The following NT5E variants were observed in gnomAD, a reference collection of about 807,000 sequenced individuals.
The protein encoded by NT5E is 5'-nucleotidase ecto, also known as 5'-nucleotidase.
NT5E carries 53 observed loss-of-function variants against 55.1 expected under a neutral mutation model. The observed-to-expected ratio is 0.96, with a 90% CI of 0.77 to 1.21. The LOEUF is 1.21. NT5E is among the 50% of genes most tolerant of loss of function. The pLI is 0.00. For missense variants in NT5E, 683 were observed against 724.3 expected (o/e 0.94, Z 0.65); for synonymous variants, 270 against 278.4 (o/e 0.97, Z 0.30).
Position 85,491,418 on chromosome 6 carries a change from C to T in NT5E, c.1361-559C>T, listed in dbSNP as rs548149002. On this transcript the variant is annotated intron_variant, in intron 7 of 8. Coordinates refer to ENST00000257770, the MANE Select transcript of NT5E (RefSeq NM_002526.4). ...GAGTTTTCCTCTGCAGAACACATTG[C>T]TGTTGAGACTGAAGGGCTACAGAAG... The T allele has an allele frequency of 9.5e-6, 3 of 317,138 alleles. No individual in the cohort carries two copies. The East Asian group carries it at 2.6e-4, about 27-fold the overall frequency. 19.6% of individuals were successfully genotyped at this position (317,138 alleles called of 1,614,324 possible).
At chr6:85,464,505 C>T (rs1769152253) in intron 1 of NT5E, among the ~76,000 whole-genome samples, 1 of 152,044 alleles carries the variant, frequency 6.6e-6, no homozygotes, top group Admixed American at 6.6e-5. Flanking sequence ...TGTTTCCTCA[C>T]ACTTTATGGG....
rs770184551 is a variant in NT5E at position 85,457,519 on chromosome 6, A to T, written c.339+7041A>T. On this transcript the variant is annotated intron_variant, in intron 1 of 8. Coordinates refer to ENST00000257770, the MANE Select transcript of NT5E (RefSeq NM_002526.4). ...GACAACTCTCTAATTTCTCCTTCAC[A>T]GTTATTTATTTATTTTTTGGCAGCT... is the stretch of plus-strand genomic sequence containing the variant. Among the ~76,000 whole-genome samples, 4 of 151,922 alleles carry T rather than the reference A, an allele frequency of 2.6e-5. No homozygotes were observed. The South Asian group carries it at 8.3e-4, about 31-fold the overall frequency.
At chr6:85,452,035 G>A (rs1562133778) in intron 1 of NT5E, among the ~76,000 whole-genome samples, 1 of 152,180 alleles carries the variant, frequency 6.6e-6, no homozygotes, top group Non-Finnish European at 1.5e-5. Context: ...ACACACATCT[G>A]GATTTGAAGA....
chr6:85,483,248 C>T (rs1769584665), intron 3 of NT5E, among the ~76,000 whole-genome samples: 2 of 152,254 alleles, frequency 1.3e-5, no homozygotes, highest in African/African-American at 4.8e-5. Context: ...TGCTTTCTCT[C>T]CCTGGGCGGG....
At chr6:85,459,044 C>G (rs9444347) in intron 1 of NT5E, among the ~76,000 whole-genome samples, 1 of 152,196 alleles carries the variant, frequency 6.6e-6, no homozygotes, top group South Asian at 2.1e-4. Context: ...TCAACCAAAA[C>G]AAATGTAATT....
chr6:85,487,563 G>C, intron 5 of NT5E, 74 bp downstream of exon 5: 1 of 1,562,014 alleles, frequency 6.4e-7, no homozygotes, highest in South Asian at 1.1e-5. Context: ...AAGGATGCGA[G>C]AAGGGATAGA....
chr6:85,465,562 C>A (rs1401715682), intron 1 of NT5E, among the ~76,000 whole-genome samples: 1 of 152,130 alleles, frequency 6.6e-6, no homozygotes, highest in Non-Finnish European at 1.5e-5. Context: ...ATGAGATCAT[C>A]AGAGATGGGG....
chr6:85,453,007 C>T (rs970593986), intron 1 of NT5E, among the ~76,000 whole-genome samples: 2 of 152,150 alleles, frequency 1.3e-5, no homozygotes, highest in African/African-American at 4.8e-5. Context: ...GGAGTCCCCT[C>T]GAGCAGGAAC....
chr6:85,459,872 C>T (rs112403367), intron 1 of NT5E, among the ~76,000 whole-genome samples: 1,991 of 152,230 alleles, frequency 0.013, 44 homozygotes, highest in African/African-American at 0.046. Context: ...TATGAATCAA[C>T]GATCAAAGAA....
chr6:85,455,122 C>T (rs1768963013), intron 1 of NT5E, among the ~76,000 whole-genome samples: 1 of 152,212 alleles, frequency 6.6e-6, no homozygotes, highest in South Asian at 2.1e-4. Flanking sequence ...GCGTAGAAGA[C>T]CACTGTGGTA....
At chr6:85,481,234 G>A (rs1296104568) in intron 3 of NT5E, among the ~76,000 whole-genome samples, 1 of 152,084 alleles carries the variant, frequency 6.6e-6, no homozygotes, top group Non-Finnish European at 1.5e-5. Flanking sequence ...TACTGGCCCT[G>A]ATCAGATTTT....
intron 2 of NT5E, among the ~76,000 whole-genome samples, chr6:85,470,185 A>T (rs772412356): frequency 1.1e-4 from 16 of 152,188 alleles, no homozygotes; most frequent in Non-Finnish European, 2.4e-4. Flanking sequence ...CATGCCAGTG[A>T]TAGCCATAAA....
At chr6:85,466,809 C>A (rs1257357581) in intron 1 of NT5E, among the ~76,000 whole-genome samples, 3 of 152,148 alleles carry the variant, frequency 2.0e-5, no homozygotes, top group Non-Finnish European at 4.4e-5. Flanking sequence ...GATGGTGGGA[C>A]AGTGGACCCC....
At chr6:85,481,536 G>A (rs1396241176) in intron 3 of NT5E, among the ~76,000 whole-genome samples, 1 of 152,168 alleles carries the variant, frequency 6.6e-6, no homozygotes, top group African/African-American at 2.4e-5. Context: ...ACTCTGTAAG[G>A]TAGGTGCTTT....
intron 1 of NT5E, among the ~76,000 whole-genome samples, chr6:85,456,821 G>A (rs1415768688): frequency 6.6e-6 from 1 of 152,146 alleles, no homozygotes; most frequent in Non-Finnish European, 1.5e-5. Flanking sequence ...GTGAGACTGG[G>A]ATCAAGTCCC....
chr6:85,493,195 G>A (rs190699553), intron 8 of NT5E, among the ~76,000 whole-genome samples: 9 of 152,264 alleles, frequency 5.9e-5, no homozygotes, highest in East Asian at 1.9e-4. Flanking sequence ...CCAATGGCTC[G>A]GCCGCAGCTC....
chr6:85,461,376 C>A (rs887966560), intron 1 of NT5E, among the ~76,000 whole-genome samples: 1 of 152,152 alleles, frequency 6.6e-6, no homozygotes. Context: ...GTTTTGAAAG[C>A]CTCTGACAAA....
intron 3 of NT5E, among the ~76,000 whole-genome samples, chr6:85,476,941 T>G (rs1453372891): frequency 6.6e-6 from 1 of 152,066 alleles, no homozygotes; most frequent in Non-Finnish European, 1.5e-5. Flanking sequence ...AAGGCAACAT[T>G]CAGGCAGCAA....
chr6:85,489,701 C>A, intron 6 of NT5E, 102 bp downstream of exon 6: 1 of 814,404 alleles, frequency 1.2e-6, no homozygotes, highest in Non-Finnish European at 2.1e-6. Flanking sequence ...AGCCTCAGTT[C>A]ATCTCTGCTG....
Sources: allele counts gnomAD v4.1 joint callset (sites outside exome capture counted in the v4.1 genomes callset), GRCh38; gene constraint gnomAD v4.1.1; transcripts MANE v1.5; gene names NCBI Gene and HGNC (gene_info 2026-07-23, HGNC 2026-07-21).